Variants in RBMX observed in about 807,000 individuals in gnomAD.
The protein encoded by RBMX is RNA binding motif protein X-linked, also known as RNA-binding motif protein, X chromosome.
Under a neutral mutation model 29.3 loss-of-function variants are expected in RBMX, and 1 was observed. That is an observed-to-expected ratio of 0.03 (90% CI 0.01 to 0.16). RBMX has a LOEUF of 0.16. RBMX is among the 10% of genes least tolerant of loss of function. The probability of loss-of-function intolerance (pLI) is 1.00; values close to 1 mark genes in which losing one functional copy is unlikely to be tolerated. For missense variants in RBMX, 121 were observed against 333.2 expected (o/e 0.36, Z 4.96); for synonymous variants, 102 against 102.3 (o/e 1.00, Z 0.02).
At chrX:136,878,816 G>A (rs1162450092) in intron 3 of RBMX, among the ~76,000 whole-genome samples, 2 of 108,083 alleles carry the variant, frequency 1.9e-5, no homozygotes, top group Admixed American at 1.0e-4. Flanking sequence ...ACGAGCATAA[G>A]ATATAACTCA....
downstream of RBMX, among the ~76,000 whole-genome samples, chrX:136,871,816 T>C (rs867017242): frequency 0.015 from 1,467 of 99,958 alleles, 26 homozygotes; most frequent in African/African-American, 0.051. Flanking sequence ...CCGGTGTTTT[T>C]TTTTTTTTTT....
chrX:136,874,810 A>T, intron 8 of RBMX: 2 of 407,604 alleles, frequency 4.9e-6, no homozygotes, highest in Non-Finnish European at 7.5e-6. Context: ...TGTTAATAAA[A>T]TTTTTAAATT....
rs375088688 is a variant in RBMX at position 136,879,133 on chromosome X, A to G, written c.110-10T>C. 1 of 1,209,816 alleles carries G rather than the reference A, an allele frequency of 8.3e-7. No homozygotes were observed. The highest frequency in any genetic ancestry group is 1.7e-5 in the African/African-American group (1 of 57,276). On this transcript the variant is annotated splice_polypyrimidine_tract_variant and intron_variant, in intron 2 of 8. Coordinates refer to ENST00000320676, the MANE Select transcript of RBMX (RefSeq NM_002139.4). ...TCTTTCATCAAGAGTACTAAAAAGT[A>G]GTTTTCAGAAAAATAAAGTGTTACC...
chrX:136,876,364 C>T (rs952231406), intron 5 of RBMX, 139 bp downstream of exon 5: 8 of 583,922 alleles, frequency 1.4e-5, no homozygotes, highest in African/African-American at 9.5e-5. Context: ...CACCGTGATC[C>T]GTCTGCCGCG....
chrX:136,870,323 C>T (rs2077677005), downstream of RBMX: 1 of 113,032 alleles, frequency 8.8e-6, no homozygotes, highest in Non-Finnish European at 1.9e-5. Flanking sequence ...CCCCTGAAGG[C>T]AAAATCTATT....
downstream of RBMX, chrX:136,872,270 T>C: frequency 8.7e-7 from 1 of 1,154,623 alleles, no homozygotes; most frequent in East Asian, 3.3e-5. Flanking sequence ...ACACTTACCT[T>C]AGCATTTCTT....
intron 8 of RBMX, chrX:136,874,874 A>T: frequency 1.5e-6 from 1 of 670,542 alleles, no homozygotes; most frequent in Non-Finnish European, 2.0e-6. Flanking sequence ...AGCAAGCAAA[A>T]TCCCCTCCAA....
intron 4 of RBMX, among the ~76,000 whole-genome samples, chrX:136,877,004 G>T (rs985990192): frequency 4.6e-5 from 5 of 107,576 alleles, no homozygotes; most frequent in Admixed American, 9.8e-5. Flanking sequence ...GAGCCACCAG[G>T]CTCGGCCACT....
At chrX:136,872,407 C>T, downstream of RBMX, 1 of 958,511 alleles carries the variant, frequency 1.0e-6, no homozygotes, top group Non-Finnish European at 1.5e-6. Flanking sequence ...TTAAAACTTG[C>T]CTATTACTGC....
At chrX:136,879,903 C>T (rs113098999) in intron 1 of RBMX, among the ~76,000 whole-genome samples, 3 of 111,869 alleles carry the variant, frequency 2.7e-5, no homozygotes, top group African/African-American at 9.7e-5. Context: ...GGATTCCCTA[C>T]TAAATCCAAG....
In RBMX at chrX:136,873,683, G is replaced by C. The variant is rs1196380762; in HGVS notation, c.*459C>G. On this transcript the variant is annotated 3_prime_UTR_variant, in exon 9 of 9. Transcript: ENST00000320676. ...TCAGGTTTTTCGTACTGAGAACATTGAGATTTCAGTTGGAAGACACCCTGA... is the reference window on the plus strand; with the variant it reads ...TCAGGTTTTTCGTACTGAGAACATTCAGATTTCAGTTGGAAGACACCCTGA... The C allele has an allele frequency of 1.3e-6, 1 of 758,859 alleles. No homozygotes were observed. The highest frequency in any genetic ancestry group is 2.3e-5 in the African/African-American group (1 of 43,956). 62.5% of individuals were successfully genotyped at this position (758,859 alleles called of 1,213,427 possible). A position where few individuals can be genotyped will look rare whatever the true frequency, so the allele number is the denominator to read the frequency against.
intron 4 of RBMX, 121 bp downstream of exon 4, chrX:136,877,794 C>T (rs2077749551): frequency 3.2e-6 from 2 of 620,717 alleles, no homozygotes; most frequent in Non-Finnish European, 4.8e-6. Context: ...GGTAGATGAA[C>T]AAGTGTTGTC....
chrX:136,878,493 C>T (rs1467733574), intron 3 of RBMX, among the ~76,000 whole-genome samples: 2 of 109,675 alleles, frequency 1.8e-5, no homozygotes, highest in Non-Finnish European at 3.8e-5. Context: ...CACCTGTAAT[C>T]CCAGTACTTT....
chrX:136,877,737 C>T (rs997356354), intron 4 of RBMX, among the ~76,000 whole-genome samples, 178 bp downstream of exon 4: 5 of 112,324 alleles, frequency 4.5e-5, no homozygotes, highest in African/African-American at 1.6e-4. Flanking sequence ...CGGTTTAACA[C>T]CATAATCTAA....
In RBMX at chrX:136,874,184, T is replaced by C. The variant is rs754308993; in HGVS notation, c.1134A>G (p.Gly378=). 3 of 1,211,841 alleles carry C rather than the reference T, an allele frequency of 2.5e-6. No individual in the cohort carries two copies. The African/African-American group carries it at 5.2e-5, about 21-fold the overall frequency. ...CTCCCCCTCTATCAGATCGGCTTCCTCCACGGCCACCACCTCTTGGTGCTC... is the reference window on the plus strand; with the variant it reads ...CTCCCCCTCTATCAGATCGGCTTCCCCCACGGCCACCACCTCTTGGTGCTC... ...SRGAPRGGGR[G]GSRSDRGGGR... is the part of the protein sequence containing the mutation. Residue 378 remains glycine, a synonymous_variant, in exon 9 of 9, where the codon GGA becomes GGG. Coordinates refer to ENST00000320676, the MANE Select transcript of RBMX (RefSeq NM_002139.4).
intron 4 of RBMX, among the ~76,000 whole-genome samples, chrX:136,877,061 G>A (rs909474180): frequency 9.2e-5 from 10 of 108,720 alleles, no homozygotes; most frequent in African/African-American, 3.0e-4. Context: ...TTATTGGGCC[G>A]GGCACAATGG....
At chrX:136,871,617 A>C (rs181869608), downstream of RBMX, among the ~76,000 whole-genome samples, 7 of 110,162 alleles carry the variant, frequency 6.4e-5, no homozygotes, top group Admixed American at 6.8e-4. Flanking sequence ...AGTAACAACG[A>C]AAGTATATCC....
intron 3 of RBMX, among the ~76,000 whole-genome samples, chrX:136,878,460 G>A (rs1440443768): frequency 9.1e-6 from 1 of 110,348 alleles, no homozygotes; most frequent in Non-Finnish European, 1.9e-5. Flanking sequence ...TGTTGGCTGG[G>A]CGCAGTGGCT....
chrX:136,876,971 C>A (rs998712542), intron 4 of RBMX, among the ~76,000 whole-genome samples: 1 of 107,524 alleles, frequency 9.3e-6, no homozygotes, highest in Non-Finnish European at 1.9e-5. Flanking sequence ...CTCAGCCTCC[C>A]AAAGTGCTGG....
Sources: allele counts gnomAD v4.1 joint callset (sites outside exome capture counted in the v4.1 genomes callset), GRCh38; gene constraint gnomAD v4.1.1; transcripts MANE v1.5; gene names NCBI Gene and HGNC (gene_info 2026-07-23, HGNC 2026-07-21).